Variants in LRRC3B observed in about 807,000 individuals in gnomAD.
LRRC3B encodes leucine rich repeat containing 3B, also known as leucine-rich repeat-containing protein 3B.
A neutral mutation model predicts 12.8 loss-of-function variants in LRRC3B; 2 were observed. The ratio of observed to expected loss-of-function variants is 0.16; its 90% CI spans 0.06 to 0.49. The LOEUF is 0.49. Ranked by LOEUF, LRRC3B falls within the 20% of genes least tolerant of loss-of-function variation. The pLI, the probability that LRRC3B is intolerant of heterozygous loss-of-function variation, is 0.96. For synonymous variants in LRRC3B, 132 were observed against 122.0 expected (o/e 1.08, Z -0.54); for missense variants, 189 against 319.4 (o/e 0.59, Z 3.11).
chr3:26,636,398 A>C (rs1485565066), intron 1 of LRRC3B, among the ~76,000 whole-genome samples: 1 of 152,128 alleles, frequency 6.6e-6, no homozygotes, highest in Non-Finnish European at 1.5e-5. Flanking sequence ...CACTATGAGG[A>C]GTATACTCCA....
intron 1 of LRRC3B, among the ~76,000 whole-genome samples, chr3:26,694,162 T>C (rs1254963069): frequency 6.6e-6 from 1 of 152,166 alleles, no homozygotes; most frequent in African/African-American, 2.4e-5. Flanking sequence ...GTATTGGTAG[T>C]AGTAATTGTA....
intron 1 of LRRC3B, among the ~76,000 whole-genome samples, chr3:26,702,823 T>G (rs1575178952): frequency 6.6e-6 from 1 of 152,130 alleles, no homozygotes; most frequent in African/African-American, 2.4e-5. Flanking sequence ...AAGGGACACG[T>G]AGAATGGAGA....
chr3:26,623,804 C>T (rs1698560877), intron 1 of LRRC3B: 1 of 152,242 alleles, frequency 6.6e-6, no homozygotes, highest in East Asian at 1.9e-4. Flanking sequence ...CCCAACTCGG[C>T]AATGAAACCT....
chr3:26,687,277 C>T (rs1170925231), intron 1 of LRRC3B, among the ~76,000 whole-genome samples: 1 of 152,160 alleles, frequency 6.6e-6, no homozygotes, highest in African/African-American at 2.4e-5. Flanking sequence ...TTTGATACAG[C>T]CTTTGCTTGC....
chr3:26,698,173 TCTGA>T (rs1187122727), intron 1 of LRRC3B, among the ~76,000 whole-genome samples: 3 of 152,170 alleles, frequency 2.0e-5, no homozygotes, highest in Non-Finnish European at 2.9e-5. Context: ...TAGCAGTAAC[TCTGA>T]CTGAGAGTTT....
At position 26,670,979 on chromosome 3, in the gene LRRC3B, G is replaced by T. The variant is rs371919254; in HGVS notation, c.-160-38534G>T. ...TGCATAATACTATACTCAGTATTGG[G>T]AGAGGTGGGCACAGTCTACCTTCTC... is the stretch of plus-strand genomic sequence containing the variant. On this transcript the variant is annotated intron_variant, in intron 1 of 1. Coordinates refer to ENST00000396641, the Ensembl canonical transcript of LRRC3B. Among the ~76,000 whole-genome samples, 4 of 151,160 alleles carry T rather than the reference G, an allele frequency of 2.6e-5. No individual in the cohort carries two copies. In the East Asian group the frequency reaches 5.9e-4, roughly 22 times the overall value.
intron 1 of LRRC3B, among the ~76,000 whole-genome samples, chr3:26,686,369 G>A (rs570151340): frequency 4.6e-5 from 7 of 152,220 alleles, no homozygotes; most frequent in East Asian, 1.9e-4. Flanking sequence ...GTGAGCCACC[G>A]CGCCCGGCCG....
At chr3:26,634,246 T>C (rs1175271146) in intron 1 of LRRC3B, among the ~76,000 whole-genome samples, 1 of 152,224 alleles carries the variant, frequency 6.6e-6, no homozygotes, top group Non-Finnish European at 1.5e-5. Flanking sequence ...GCTTTTTGGA[T>C]GATGGAGATG....
At chr3:26,677,665 T>C (rs1207304018) in intron 1 of LRRC3B, among the ~76,000 whole-genome samples, 4 of 152,232 alleles carry the variant, frequency 2.6e-5, no homozygotes, top group African/African-American at 9.6e-5. Context: ...AAGAAACACA[T>C]GTATACATAT....
At chr3:26,690,276 T>G (rs973936256) in intron 1 of LRRC3B, among the ~76,000 whole-genome samples, 19 of 152,194 alleles carry the variant, frequency 1.2e-4, no homozygotes, top group African/African-American at 4.3e-4. Context: ...AGATGAAGAT[T>G]TACATTATCT....
chr3:26,678,272 T>A (rs185792306), intron 1 of LRRC3B, among the ~76,000 whole-genome samples: 2 of 151,734 alleles, frequency 1.3e-5, no homozygotes, highest in East Asian at 4.0e-4. Context: ...GGTGGGTGGA[T>A]CACATGAGAC....
rs77841319 is a variant in LRRC3B, at chr3:26,667,181, C to G, written c.-160-42332C>G. Among the ~76,000 whole-genome samples, 336 of 151,172 alleles carry G rather than the reference C, an allele frequency of 2.2e-3. 1 individual carries two copies. Among genetic ancestry groups the G allele is most frequent in the African/African-American group, 8.0e-3 (329 of 41,158 alleles). Reference sequence around the variant, plus strand: ...ACCCAATCCCATGGCCTTTCAGCCCCTGGGAGATTTGATGAGGATGCTAGC... The same window carrying G: ...ACCCAATCCCATGGCCTTTCAGCCCGTGGGAGATTTGATGAGGATGCTAGC... On this transcript the variant is annotated intron_variant, in intron 1 of 1. Transcript: ENST00000396641.
At chr3:26,682,013 AAAT>A (rs749908314) in intron 1 of LRRC3B, among the ~76,000 whole-genome samples, 34 of 151,996 alleles carry the variant, frequency 2.2e-4, no homozygotes, top group African/African-American at 6.5e-4. Flanking sequence ...TATTAACAAT[AAAT>A]AATAATAAAA....
intron 1 of LRRC3B, among the ~76,000 whole-genome samples, chr3:26,632,161 T>A (rs967499017): frequency 1.3e-5 from 2 of 152,076 alleles, no homozygotes; most frequent in Non-Finnish European, 2.9e-5. Flanking sequence ...TACAAAGGGG[T>A]GAAACAATTA....
chr3:26,630,481 AAT>A (rs1698733491), intron 1 of LRRC3B, among the ~76,000 whole-genome samples: 1 of 144,972 alleles, frequency 6.9e-6, no homozygotes, highest in East Asian at 2.1e-4. Flanking sequence ...CTTACATAAT[AAT>A]GCCTCTATAA....
At chr3:26,638,642 C>T (rs1184795906) in intron 1 of LRRC3B, among the ~76,000 whole-genome samples, 3 of 151,838 alleles carry the variant, frequency 2.0e-5, no homozygotes, top group Admixed American at 6.6e-5. Flanking sequence ...AACAAACATG[C>T]CATAGTTCAA....
chr3:26,636,828 C>G (rs1368905420), intron 1 of LRRC3B, among the ~76,000 whole-genome samples: 99 of 83,280 alleles, frequency 1.2e-3, no homozygotes, highest in East Asian at 1.9e-3. Flanking sequence ...CTCCCTCCCT[C>G]CCTCCCTCCC....
chr3:26,697,937 A>C (rs1289587459), intron 1 of LRRC3B, among the ~76,000 whole-genome samples: 5 of 152,156 alleles, frequency 3.3e-5, no homozygotes. Context: ...TTTCTTTACC[A>C]TTCTATGATT....
At chr3:26,628,887 T>G (rs976676393) in intron 1 of LRRC3B, among the ~76,000 whole-genome samples, 15 of 151,750 alleles carry the variant, frequency 9.9e-5, no homozygotes, top group Admixed American at 8.5e-4. Flanking sequence ...AAAACAGATT[T>G]TATTCTTTAG....
Sources: allele counts gnomAD v4.1 joint callset (sites outside exome capture counted in the v4.1 genomes callset), GRCh38; gene constraint gnomAD v4.1.1; transcripts MANE v1.5; gene names NCBI Gene and HGNC (gene_info 2026-07-23, HGNC 2026-07-21).